Variants in BRIP1 observed in about 807,000 individuals in gnomAD.
The protein encoded by BRIP1 is Fanconi anemia group J protein.
In BRIP1, 88 loss-of-function variants were observed where a neutral mutation model predicts 119.7. The ratio of observed to expected loss-of-function variants is 0.74; its 90% confidence interval spans 0.62 to 0.88. The LOEUF is 0.88. BRIP1 is among the 40% of genes least tolerant of loss of function. The pLI, the probability that BRIP1 is intolerant of heterozygous loss-of-function variation, is 0.00. For synonymous variants in BRIP1, 443 were observed against 496.5 expected, an observed-to-expected ratio of 0.89 and a Z score of 1.43; for missense variants, 1,259 against 1,455.4, an observed-to-expected ratio of 0.87 and a Z score of 2.20.
At position 61,834,694 on chromosome 17, in the gene BRIP1, C is replaced by A. The variant is rs568100796; in HGVS notation, c.627+12407G>T. Reference sequence around the variant, plus strand: ...AGGCATTTGTACACTGGGGCTTGTTCTCTTGCTGCTCTTGGAACCCTGAGG... The same window carrying A: ...AGGCATTTGTACACTGGGGCTTGTTATCTTGCTGCTCTTGGAACCCTGAGG... On this transcript the variant is annotated intron_variant, in intron 6 of 19. Coordinates refer to ENST00000259008, the MANE Select transcript of BRIP1 (RefSeq NM_032043.3). The surrounding 1 kb of genome is among the most constrained non-coding windows in gnomAD (Gnocchi z 4.4). Among the ~76,000 whole-genome samples, 226 of 152,250 alleles carry A rather than the reference C, an allele frequency of 1.5e-3. No individual in the cohort carries two copies. The highest frequency in any genetic ancestry group is 5.2e-3 in the African/African-American group (218 of 41,532).
At position 61,683,668 on chromosome 17, in the gene BRIP1, T is replaced by G. The variant is rs145855459; in HGVS notation, c.3378A>C (p.Glu1126Asp). 217 of 1,613,570 alleles carry G rather than the reference T, an allele frequency of 1.3e-4. 1 individual carries two copies. The African/African-American group carries it at 2.7e-3, about 20-fold the overall frequency. ...TSNRDFETEAEDESIYFTPEL... is the reference protein window; with the variant it reads ...TSNRDFETEADDESIYFTPEL... Reference sequence around the variant, plus strand: ...CAGGTGTAAAATAGATAGATTCATCTTCTGCTTCTGTTTCAAAATCTCTAT... The same window carrying G: ...CAGGTGTAAAATAGATAGATTCATCGTCTGCTTCTGTTTCAAAATCTCTAT... The change falls in exon 20 of 20, where the codon GAA becomes GAC. Residue 1126 changes from glutamate to aspartate, a missense_variant. Glu to Asp is a conservative substitution (Grantham distance 45, BLOSUM62 2). Transcript: ENST00000259008. The surrounding 1 kb of genome is among the most constrained non-coding windows in gnomAD (Gnocchi z 4.7).
intron 4 of BRIP1, among the ~76,000 whole-genome samples, chr17:61,854,009 C>T (rs181915592): frequency 3.5e-4 from 53 of 152,306 alleles, no homozygotes; most frequent in Admixed American, 3.3e-3. Flanking sequence ...GGTATGGTGG[C>T]TCATGCCTAT....
chr17:61,776,063 G>T lies in BRIP1; in HGVS notation c.2097+338C>A. 3.2e-6 allele frequency: 1 copy of T among 308,202 alleles called. No individual in the cohort carries two copies. Among genetic ancestry groups the T allele is most frequent in the East Asian group, 8.2e-5 (1 of 12,142 alleles). The allele number at this position is 308,202 out of a possible 1,614,324, so 19.1% of individuals were successfully genotyped here. A position where few individuals can be genotyped will look rare whatever the true frequency, so the allele number is the denominator to read the frequency against. ...CACACCCAGCTAATTTTTGTATTTT[G>T]TAGAGGCAGAGTTTCACCATGTTCT... On this transcript the variant is annotated intron_variant, in intron 14 of 19. Transcript: ENST00000259008. The surrounding 1 kb of genome is among the most constrained non-coding windows in gnomAD (Gnocchi z 5.0).
chr17:61,689,612 G>A lies in BRIP1; in HGVS notation c.2576-3447C>T, dbSNP rs926860245. On this transcript the variant is annotated intron_variant, in intron 18 of 19. Transcript: ENST00000259008. This position sits in a 1 kb window ranked among gnomAD's most constrained non-coding sequence, Gnocchi z 4.5. ...CTGAACAGGATGAACCCAAAAGTCT[G>A]TACCAAAACACTTTATAATCAAAGT... 4.6e-5 allele frequency among the ~76,000 whole-genome samples: 7 copies of A among 152,100 alleles called. No homozygotes were observed. Among genetic ancestry groups the A allele is most frequent in the Admixed American group, 1.3e-4 (2 of 15,266 alleles).
Position 61,686,276 on chromosome 17 carries a change from A to G in BRIP1, c.2576-111T>C. 2.1e-6 allele frequency: 2 copies of G among 972,454 alleles called. No individual in the cohort carries two copies. The highest frequency in any genetic ancestry group is 3.2e-6 in the Non-Finnish European group (2 of 622,524). 60.2% of individuals were successfully genotyped at this position (972,454 alleles called of 1,614,324 possible). ...GTGAAGTAACCTAATTTGTATTTTG[A>G]ATATACAGAATGGTTCTCCATATGT... On this transcript the variant is annotated intron_variant, in intron 18 of 19. Coordinates refer to ENST00000259008, the MANE Select transcript of BRIP1 (RefSeq NM_032043.3). This position sits in a 1 kb window ranked among gnomAD's most constrained non-coding sequence, Gnocchi z 5.4.
rs2076894033 is a variant in BRIP1 at position 61,734,637 on chromosome 17, C to T, written c.2379+8376G>A. 1.3e-5 allele frequency among the ~76,000 whole-genome samples: 2 copies of T among 152,160 alleles called. No homozygotes were observed. Among genetic ancestry groups the T allele is most frequent in the Non-Finnish European group, 2.9e-5 (2 of 68,016 alleles). The stretch of plus-strand genomic sequence containing the variant: ...AATGAAATTTTCCTACCTCTACTTT[C>T]TAGTCCCTAAGGTGGGAAGAGGAAA... On this transcript the variant is annotated intron_variant, in intron 16 of 19. Transcript: ENST00000259008. The surrounding 1 kb of genome is among the most constrained non-coding windows in gnomAD (Gnocchi z 5.2).
Position 61,810,403 on chromosome 17 carries a change from C to A in BRIP1, c.628-1646G>T, listed in dbSNP as rs1319463811. 2.6e-5 allele frequency among the ~76,000 whole-genome samples: 4 copies of A among 152,078 alleles called. No individual in the cohort carries two copies. Among genetic ancestry groups the A allele is most frequent in the African/African-American group, 9.7e-5 (4 of 41,404 alleles). On this transcript the variant is annotated intron_variant, in intron 6 of 19. Coordinates refer to ENST00000259008, the MANE Select transcript of BRIP1 (RefSeq NM_032043.3). This position sits in a 1 kb window ranked among gnomAD's most constrained non-coding sequence, Gnocchi z 4.7. ...CTGACTGAATTCTTTTTGGCTTTTG[C>A]AATGATCACATTAATCAATTAACAT...
chr17:61,682,637 C>T lies in BRIP1; in HGVS notation c.*659G>A, dbSNP rs769375960. ...GACTGATTTGAGGTAAAATCTATAGCGAAATATGACTGAGGTGTCACTAGA... is the reference window on the plus strand; with the variant it reads ...GACTGATTTGAGGTAAAATCTATAGTGAAATATGACTGAGGTGTCACTAGA... On this transcript the variant is annotated 3_prime_UTR_variant, in exon 20 of 20. Transcript: ENST00000259008. This position sits in a 1 kb window ranked among gnomAD's most constrained non-coding sequence, Gnocchi z 4.9. 9 of 195,462 alleles carry T rather than the reference C, an allele frequency of 4.6e-5. No individual in the cohort carries two copies. Among genetic ancestry groups the T allele is most frequent in the East Asian group, 1.6e-4 (2 of 12,318 alleles). 12.1% of individuals were successfully genotyped at this position (195,462 alleles called of 1,614,324 possible).
At chr17:61,721,692 C>CTTTTT (rs71150632) in intron 16 of BRIP1, among the ~76,000 whole-genome samples, 14 of 73,614 alleles carry the variant, frequency 1.9e-4, no homozygotes, top group African/African-American at 2.3e-4. Flanking sequence ...TAGACTTTGC[C>CTTTTT]TTTTTTTTTT....
intron 14 of BRIP1, among the ~76,000 whole-genome samples, chr17:61,765,194 T>C (rs896095906): frequency 2.0e-5 from 3 of 150,610 alleles, no homozygotes; most frequent in South Asian, 2.1e-4. Context: ...CATCAAAAAA[T>C]TGACCAAGAC....
rs1397211721 is a variant in BRIP1, at chr17:61,725,649, T to C, written c.2380-9586A>G. On this transcript the variant is annotated intron_variant, in intron 16 of 19. Coordinates refer to ENST00000259008, the MANE Select transcript of BRIP1 (RefSeq NM_032043.3). This position sits in a 1 kb window ranked among gnomAD's most constrained non-coding sequence, Gnocchi z 5.3. Reference sequence around the variant, plus strand: ...TCATTTTTATTTTTTAGAGACAAGGTCTTGCTCTGTCACCCAGAATGGAGT... The same window carrying C: ...TCATTTTTATTTTTTAGAGACAAGGCCTTGCTCTGTCACCCAGAATGGAGT... Among the ~76,000 whole-genome samples the C allele has an allele frequency of 6.6e-6, 1 of 152,206 alleles. No homozygotes were observed. The highest frequency in any genetic ancestry group is 1.5e-5 in the Non-Finnish European group (1 of 68,026).
At chr17:61,719,891 C>T (rs763663932) in intron 16 of BRIP1, among the ~76,000 whole-genome samples, 30 of 151,990 alleles carry the variant, frequency 2.0e-4, no homozygotes, top group Non-Finnish European at 4.0e-4. Flanking sequence ...GGCAGTGGTG[C>T]GATCATGGCT....
At chr17:61,777,776 CCTT>C (rs1421678747) in intron 13 of BRIP1, among the ~76,000 whole-genome samples, 2 of 152,152 alleles carry the variant, frequency 1.3e-5, no homozygotes, top group Non-Finnish European at 2.9e-5. Flanking sequence ...TGAACCCTGT[CCTT>C]CTAGGTTTTT....
rs963740408 is a variant in BRIP1 at position 61,861,707 on chromosome 17, T to G, written c.-30-138A>C. ...ACAAAACAAATGGAAACAAAATAAT[T>G]TCCTAGTCTTATAAATCACAGCGGT... On this transcript the variant is annotated intron_variant, in intron 1 of 19. Coordinates refer to ENST00000259008, the MANE Select transcript of BRIP1 (RefSeq NM_032043.3). The surrounding 1 kb of genome is among the most constrained non-coding windows in gnomAD (Gnocchi z 4.5). 7 of 649,954 alleles carry G rather than the reference T, an allele frequency of 1.1e-5. No homozygotes were observed. Among genetic ancestry groups the G allele is most frequent in the Non-Finnish European group, 1.9e-5 (7 of 366,308 alleles). 40.3% of individuals were successfully genotyped at this position (649,954 alleles called of 1,614,324 possible). A position where few individuals can be genotyped will look rare whatever the true frequency, so the allele number is the denominator to read the frequency against.
intron 4 of BRIP1, among the ~76,000 whole-genome samples, chr17:61,854,039 G>A (rs2078859563): frequency 6.6e-6 from 1 of 152,116 alleles, no homozygotes; most frequent in African/African-American, 2.4e-5. Flanking sequence ...GCTTTGGGAG[G>A]CCGAAGAAGG....
At position 61,717,170 on chromosome 17, in the gene BRIP1, T is replaced by C. The variant is rs1432453769; in HGVS notation, c.2380-1107A>G. On this transcript the variant is annotated intron_variant, in intron 16 of 19. Transcript: ENST00000259008. This position sits in a 1 kb window ranked among gnomAD's most constrained non-coding sequence, Gnocchi z 4.1. ...ATACCCTTTACCCAATTTCCCCTAA[T>C]GTTAACATCTTATATTACTATAGCT... Among the ~76,000 whole-genome samples, 1 of 152,126 alleles carries C rather than the reference T, an allele frequency of 6.6e-6. No homozygotes were observed. The highest frequency in any genetic ancestry group is 1.9e-4 in the East Asian group (1 of 5,204).
At position 61,831,286 on chromosome 17, in the gene BRIP1, A is replaced by G. The variant is rs1413005562; in HGVS notation, c.627+15815T>C. ...CATGAAAGGTAAACACTGTAAAGGA[A>G]GAAGTAAAACAGTATTTACTAGAGA... On this transcript the variant is annotated intron_variant, in intron 6 of 19. Coordinates refer to ENST00000259008, the MANE Select transcript of BRIP1 (RefSeq NM_032043.3). The surrounding 1 kb of genome is among the most constrained non-coding windows in gnomAD (Gnocchi z 4.1). Among the ~76,000 whole-genome samples the G allele has an allele frequency of 2.0e-5, 3 of 152,236 alleles. No individual in the cohort carries two copies. In the East Asian group the frequency reaches 5.8e-4, roughly 29 times the overall value.
In BRIP1 at chr17:61,794,145, C is replaced by A. The variant is rs1347060596; in HGVS notation, c.1341-416G>T. ...AGAATTACTAGAAAATATATAAATA[C>A]ATTCATTGATATATATACACATTCA... is the stretch of plus-strand genomic sequence containing the variant. On this transcript the variant is annotated intron_variant, in intron 9 of 19. Transcript: ENST00000259008. This position sits in a 1 kb window ranked among gnomAD's most constrained non-coding sequence, Gnocchi z 4.3. Among the ~76,000 whole-genome samples, 1 of 152,032 alleles carries A rather than the reference C, an allele frequency of 6.6e-6. No homozygotes were observed. Among genetic ancestry groups the A allele is most frequent in the Admixed American group, 6.6e-5 (1 of 15,246 alleles).
intron 16 of BRIP1, among the ~76,000 whole-genome samples, chr17:61,727,611 A>G (rs2076783019): frequency 6.6e-6 from 1 of 151,868 alleles, no homozygotes; most frequent in South Asian, 2.1e-4. Flanking sequence ...TACAAAATAA[A>G]AATTAGCTGG....
Sources: allele counts gnomAD v4.1 joint callset (sites outside exome capture counted in the v4.1 genomes callset), GRCh38; gene constraint gnomAD v4.1.1; non-coding constraint Gnocchi (gnomAD v3.1); transcripts MANE v1.5; gene names NCBI Gene and HGNC (gene_info 2026-07-23, HGNC 2026-07-21).